IMPACT: variants seen among roughly 807,000 people sequenced by gnomAD.
The protein encoded by IMPACT is impact RWD domain protein.
IMPACT carries 35 observed loss-of-function variants against 47.5 expected under a neutral mutation model. That is an observed-to-expected ratio of 0.74 (90% CI 0.56 to 0.98). The LOEUF (loss-of-function observed/expected upper bound fraction) is 0.98, where lower values mean the gene tolerates loss of function less well. IMPACT is among the 50% of genes least tolerant of loss of function. The pLI is 0.00. For synonymous variants in IMPACT, 118 were observed against 125.6 expected, an observed-to-expected ratio of 0.94 and a Z score of 0.40; for missense variants, 373 against 394.8, an observed-to-expected ratio of 0.94 and a Z score of 0.47.
intron 1 of IMPACT, 54 bp from the exon 2 acceptor site, chr18:24,427,865 T>C (rs1461731648): frequency 7.3e-6 from 11 of 1,514,990 alleles, no homozygotes; most frequent in Non-Finnish European, 9.8e-6. Context: ...GTAGTAAGAA[T>C]AGGATTTTAA....
Position 24,438,815 on chromosome 18 carries a change from G to A in IMPACT, c.367+775G>A, listed in dbSNP as rs186559677. On this transcript the variant is annotated intron_variant, in intron 5 of 10. Coordinates refer to ENST00000284202, the MANE Select transcript of IMPACT (RefSeq NM_018439.4). ...ATATTTACCTTGATGTCTCGGTTAC[G>A]GTGGTGTTCGCCAAATGTCTCCACT... 5.3e-5 allele frequency among the ~76,000 whole-genome samples: 8 copies of A among 152,074 alleles called. No individual in the cohort carries two copies. In the East Asian group the frequency reaches 1.5e-3, roughly 29 times the overall value.
rs1909366973 is a variant in IMPACT at position 24,450,852 on chromosome 18, T to G, written c.*5T>G. 1 of 1,542,806 alleles carries G rather than the reference T, an allele frequency of 6.5e-7. No individual in the cohort carries two copies. Among genetic ancestry groups the G allele is most frequent in the Admixed American group, 1.7e-5 (1 of 59,356 alleles). On this transcript the variant is annotated 3_prime_UTR_variant, in exon 11 of 11. Transcript: ENST00000284202. The stretch of plus-strand genomic sequence containing the variant: ...AAGAAGAGGAATGAACATTAATACC[T>G]GAAACTATAGGAAAGGTTAATTTGC...
chr18:24,428,984 T>C, intron 3 of IMPACT, 63 bp downstream of exon 3: 2 of 1,181,288 alleles, frequency 1.7e-6, no homozygotes, highest in Non-Finnish European at 2.4e-6. Context: ...ATGTTTATAC[T>C]GTACTTTGCG....
chr18:24,427,984 C>A lies in IMPACT; in HGVS notation c.102C>A (p.Ala34=). The stretch of plus-strand genomic sequence containing the variant: ...AGTGGTGTGTCATTGATGACTGTGC[C>A]AAAATATTTTGTATTAGAATTAGCG... ...GEEWCVIDDC[A]KIFCIRISDD... Residue 34 remains alanine, a synonymous_variant, in exon 2 of 11, where the codon GCC becomes GCA. Coordinates refer to ENST00000284202, the MANE Select transcript of IMPACT (RefSeq NM_018439.4). 1.9e-6 allele frequency: 3 copies of A among 1,601,262 alleles called. No individual in the cohort carries two copies.
chr18:24,450,326 G>A (rs1017471419), intron 10 of IMPACT, among the ~76,000 whole-genome samples: 6 of 152,128 alleles, frequency 3.9e-5, no homozygotes, highest in Non-Finnish European at 8.8e-5. Context: ...TAAACATCTA[G>A]AAAATTCTGA....
Position 24,449,267 on chromosome 18 carries a change from G to T in IMPACT, c.760-552G>T, listed in dbSNP as rs1034328155. On this transcript the variant is annotated intron_variant, in intron 9 of 10. Coordinates refer to ENST00000284202, the MANE Select transcript of IMPACT (RefSeq NM_018439.4). ...GTAGGTCCCAGCTACTTGGGAGGCTGGGGTGGGAGGATCACTTGAGCCCAG... is the reference window on the plus strand; with the variant it reads ...GTAGGTCCCAGCTACTTGGGAGGCTTGGGTGGGAGGATCACTTGAGCCCAG... Among the ~76,000 whole-genome samples the T allele has an allele frequency of 4.6e-5, 7 of 152,286 alleles. No homozygotes were observed. In the East Asian group the frequency reaches 1.4e-3, roughly 29 times the overall value.
intron 4 of IMPACT, among the ~76,000 whole-genome samples, chr18:24,434,423 C>G (rs1908849874): frequency 6.6e-6 from 1 of 151,882 alleles, no homozygotes; most frequent in Non-Finnish European, 1.5e-5. Flanking sequence ...ATAGTGGAGG[C>G]CTTTATTAAG....
chr18:24,439,263 G>C (rs1321342503), intron 5 of IMPACT, among the ~76,000 whole-genome samples: 1 of 152,146 alleles, frequency 6.6e-6, no homozygotes, highest in African/African-American at 2.4e-5. Context: ...GGGCACAGTG[G>C]CTTGCACCTA....
chr18:24,437,985 G>A lies in IMPACT; in HGVS notation c.312G>A (p.Leu104=), dbSNP rs924336937. Residue 104 remains leucine (L), a synonymous_variant, in exon 5 of 11, where the codon CTG becomes CTA. Coordinates refer to ENST00000284202, the MANE Select transcript of IMPACT (RefSeq NM_018439.4). ...ATATCGGTGAAAGTATTCTTTACCT[G>A]TGGGTGGAGAAAATAAGAGATGTTC... The part of the protein sequence containing the change: ...IQNIGESILY[L]WVEKIRDVLI... The A allele has an allele frequency of 7.6e-6, 12 of 1,580,830 alleles. No homozygotes were observed. In the Middle Eastern group the frequency reaches 1.7e-3, roughly 221 times the overall value.
chr18:24,428,026 C>T lies in IMPACT; in HGVS notation c.144C>T (p.Pro48=), dbSNP rs1908658980. The change falls in exon 2 of 11, where the codon CCC becomes CCT. Residue 48 remains proline, a synonymous_variant. Transcript: ENST00000284202. ...GAATTAGCGACGATATAGATGACCC[C>T]AAATGGACACTTTGCTTGCAGGTAC... is the stretch of plus-strand genomic sequence containing the variant. The part of the protein sequence containing the change: ...CIRISDDIDD[P]KWTLCLQVML... The T allele has an allele frequency of 1.3e-6, 2 of 1,580,430 alleles. No individual in the cohort carries two copies. Among genetic ancestry groups the T allele is most frequent in the East Asian group, 4.6e-5 (2 of 43,400 alleles).
chr18:24,447,396 T>C (rs960382106), intron 8 of IMPACT, among the ~76,000 whole-genome samples: 6 of 152,202 alleles, frequency 3.9e-5, no homozygotes, highest in African/African-American at 1.4e-4. Flanking sequence ...TATTTTTTTT[T>C]TCTCTCTCTA....
intron 9 of IMPACT, among the ~76,000 whole-genome samples, chr18:24,449,218 C>T (rs531002011): frequency 6.6e-6 from 1 of 152,188 alleles, no homozygotes; most frequent in South Asian, 2.1e-4. Flanking sequence ...CAAAAATTAG[C>T]TGGGCATGGT....
intron 7 of IMPACT, 31 bp downstream of exon 7, chr18:24,443,183 G>A: frequency 9.7e-7 from 1 of 1,033,150 alleles, no homozygotes; most frequent in Non-Finnish European, 1.5e-6. Flanking sequence ...TCACTTTGAT[G>A]ATTACTAAAA....
At chr18:24,444,350 TA>T (rs1196074475) in intron 7 of IMPACT, among the ~76,000 whole-genome samples, 1 of 152,206 alleles carries the variant, frequency 6.6e-6, no homozygotes, top group Non-Finnish European at 1.5e-5. Flanking sequence ...TGAAAGATTA[TA>T]AAATGATAAA....
intron 5 of IMPACT, among the ~76,000 whole-genome samples, chr18:24,438,847 G>C (rs1463008169): frequency 6.6e-6 from 1 of 152,074 alleles, no homozygotes; most frequent in Non-Finnish European, 1.5e-5. Context: ...CACTGTAAAT[G>C]CTGTAGTCAG....
chr18:24,440,691 A>G (rs1005120947), intron 6 of IMPACT, 73 bp downstream of exon 6: 49 of 1,272,308 alleles, frequency 3.9e-5, no homozygotes, highest in Non-Finnish European at 5.0e-5. Context: ...TTGAGATGAT[A>G]GAGAAATTTA....
At chr18:24,429,556 G>T (rs1279290390) in intron 3 of IMPACT, 1 of 151,420 alleles carries the variant, frequency 6.6e-6, no homozygotes, top group African/African-American at 2.4e-5. Flanking sequence ...ATCACAACTG[G>T]TTAGATTTCT....
intron 4 of IMPACT, among the ~76,000 whole-genome samples, chr18:24,434,889 T>C (rs1252098655): frequency 3.6e-5 from 2 of 54,824 alleles, no homozygotes; most frequent in Non-Finnish European, 3.3e-5. Flanking sequence ...TATGTGTATA[T>C]ATATGTGTAT....
Position 24,443,034 on chromosome 18 carries a change from C to G in IMPACT, c.491-15C>G, listed in dbSNP as rs779957482. On this transcript the variant is annotated splice_polypyrimidine_tract_variant and intron_variant, in intron 6 of 10. Coordinates refer to ENST00000284202, the MANE Select transcript of IMPACT (RefSeq NM_018439.4). ...TAAGGCTTTTTAAAAAATAAAGTTTCTTTTACATTTCTAGAAGTAGAAGTA... is the reference window on the plus strand; with the variant it reads ...TAAGGCTTTTTAAAAAATAAAGTTTGTTTTACATTTCTAGAAGTAGAAGTA... 1.9e-5 allele frequency: 27 copies of G among 1,409,976 alleles called. No homozygotes were observed. The highest frequency in any genetic ancestry group is 2.7e-5 in the Non-Finnish European group (27 of 1,010,706). 87.3% of individuals were successfully genotyped at this position (1,409,976 alleles called of 1,614,324 possible).
Sources: allele counts gnomAD v4.1 joint callset (sites outside exome capture counted in the v4.1 genomes callset), GRCh38; gene constraint gnomAD v4.1.1; transcripts MANE v1.5; gene names NCBI Gene and HGNC (gene_info 2026-07-23, HGNC 2026-07-21).